The following BACH2 variants were observed in gnomAD, a reference collection of about 807,000 sequenced individuals.
BACH2 encodes the protein BACH transcriptional regulator 2.
BACH2 carries 5 observed loss-of-function variants against 61.8 expected under a neutral mutation model. The ratio of observed to expected loss-of-function variants is 0.08; its 90% CI spans 0.04 to 0.17. The LOEUF (loss-of-function observed/expected upper bound fraction) is 0.17, where lower values mean the gene tolerates loss of function less well. Ranked by LOEUF, BACH2 falls within the 10% of genes least tolerant of loss-of-function variation. The pLI is 1.00. For missense variants in BACH2, 824 were observed against 1,091.1 expected (o/e 0.76, Z 3.45); for synonymous variants, 446 against 440.1 (o/e 1.01, Z -0.17).
chr6:90,274,017 G>T (rs566012456), intron 1 of BACH2, among the ~76,000 whole-genome samples: 7 of 152,188 alleles, frequency 4.6e-5, no homozygotes, highest in African/African-American at 1.7e-4. Flanking sequence ...GGTAGCTCAC[G>T]TTTCTCCGTG....
Position 89,932,620 on chromosome 6 carries a change from G to T in BACH2, c.2314C>A (p.Pro772Thr), listed in dbSNP as rs765807351. 1 of 1,613,886 alleles carries T rather than the reference G, an allele frequency of 6.2e-7. No individual in the cohort carries two copies. Among genetic ancestry groups the T allele is most frequent in the Non-Finnish European group, 8.5e-7 (1 of 1,179,962 alleles). ...GGGGGTCCGGGGGGAGCCGCGCCTGGCTCCAAGCAGCAGGGCACGTTTTCC... is the reference window on the plus strand; with the variant it reads ...GGGGGTCCGGGGGGAGCCGCGCCTGTCTCCAAGCAGCAGGGCACGTTTTCC... ...VGENVPCCLE[P>T]GAAPPGPPWA... Residue 772 changes from proline to threonine, a missense_variant, in exon 9 of 9, where the codon CCA becomes ACA. Transcript: ENST00000257749.
chr6:90,117,053 T>C (rs943602051), intron 4 of BACH2: 15 of 327,884 alleles, frequency 4.6e-5, no homozygotes, highest in African/African-American at 6.5e-5. Context: ...AATTCAGCCA[T>C]TGTTCAGAAG....
intron 6 of BACH2, among the ~76,000 whole-genome samples, chr6:89,967,164 A>G (rs1775090620): frequency 6.6e-6 from 1 of 152,166 alleles, no homozygotes; most frequent in Admixed American, 6.6e-5. Flanking sequence ...GTGCTTCAGA[A>G]TGGTACCTTG....
chr6:89,966,568 G>A (rs911690598), intron 6 of BACH2, among the ~76,000 whole-genome samples: 1 of 152,202 alleles, frequency 6.6e-6, no homozygotes, highest in African/African-American at 2.4e-5. Flanking sequence ...AGAGCATGAA[G>A]TCAGGTTTGT....
intron 3 of BACH2, among the ~76,000 whole-genome samples, chr6:90,208,995 T>A (rs765547627): frequency 2.1e-5 from 3 of 140,634 alleles, no homozygotes; most frequent in African/African-American, 8.2e-5. Context: ...TAAGTGGGAG[T>A]TGAACAATGA....
intron 6 of BACH2, among the ~76,000 whole-genome samples, chr6:90,005,339 G>A (rs1409447275): frequency 6.6e-6 from 1 of 151,852 alleles, no homozygotes; most frequent in Non-Finnish European, 1.5e-5. Flanking sequence ...ATGTGACTAA[G>A]AGGAGGGCAG....
Position 89,929,556 on chromosome 6 carries a change from T to G in BACH2, c.*2852A>C, listed in dbSNP as rs1241341965. ...CTCTATGAAATTGGAAGATGGTTTT[T>G]AGAGCAGTGTTTTTAACCAGTTCCC... On this transcript the variant is annotated 3_prime_UTR_variant, in exon 9 of 9. Coordinates refer to ENST00000257749, the MANE Select transcript of BACH2 (RefSeq NM_021813.4). 2 of 152,340 alleles carry G rather than the reference T, an allele frequency of 1.3e-5. No individual in the cohort carries two copies. The highest frequency in any genetic ancestry group is 4.8e-5 in the African/African-American group (2 of 41,432). 9.4% of individuals were successfully genotyped at this position (152,340 alleles called of 1,614,324 possible).
intron 6 of BACH2, chr6:89,952,987 C>T (rs552626937): frequency 6.6e-6 from 1 of 152,350 alleles, no homozygotes; most frequent in Admixed American, 6.5e-5. Flanking sequence ...AGGAAGGTGA[C>T]GCATGTCTAC....
intron 1 of BACH2, among the ~76,000 whole-genome samples, chr6:90,275,524 G>T (rs1771662072): frequency 6.6e-6 from 1 of 152,052 alleles, no homozygotes; most frequent in African/African-American, 2.4e-5. Context: ...TTTACCTTCA[G>T]GGTTACATGT....
intron 6 of BACH2, among the ~76,000 whole-genome samples, chr6:90,007,883 C>A (rs980283119): frequency 6.6e-6 from 1 of 152,096 alleles, no homozygotes; most frequent in Non-Finnish European, 1.5e-5. Context: ...ATAGGAATGA[C>A]GGAAGTCAGG....
chr6:90,120,100 G>A (rs207272), intron 4 of BACH2, among the ~76,000 whole-genome samples: 1 of 151,992 alleles, frequency 6.6e-6, no homozygotes, highest in Non-Finnish European at 1.5e-5. Flanking sequence ...CCAGCTGCTG[G>A]GGACATCAAT....
intron 1 of BACH2, among the ~76,000 whole-genome samples, chr6:90,296,274 C>T (rs1039492523): frequency 6.6e-6 from 1 of 151,806 alleles, no homozygotes; most frequent in African/African-American, 2.4e-5. Flanking sequence ...GCCGCCGGCT[C>T]GGCTCCCACC....
chr6:90,168,535 T>C (rs1004969188), intron 4 of BACH2, among the ~76,000 whole-genome samples: 1 of 152,186 alleles, frequency 6.6e-6, no homozygotes, highest in Non-Finnish European at 1.5e-5. Flanking sequence ...TGGTTGTATA[T>C]AGGGGAAGGT....
intron 4 of BACH2, among the ~76,000 whole-genome samples, chr6:90,131,021 G>A (rs1447430720): frequency 1.3e-5 from 2 of 152,236 alleles, no homozygotes; most frequent in East Asian, 3.9e-4. Context: ...TCTTTTAGTG[G>A]GAAGAGTCAC....
At chr6:90,096,202 T>A (rs1357575629) in intron 4 of BACH2, among the ~76,000 whole-genome samples, 1 of 152,228 alleles carries the variant, frequency 6.6e-6, no homozygotes, top group African/African-American at 2.4e-5. Flanking sequence ...TTACTTGTTA[T>A]ATATTTCAGT....
At chr6:90,265,697 CCTTT>C (rs1449594782) in intron 2 of BACH2, among the ~76,000 whole-genome samples, 1 of 152,166 alleles carries the variant, frequency 6.6e-6, no homozygotes, top group African/African-American at 2.4e-5. Context: ...AGGTAAGGTA[CCTTT>C]CTATCTATAG....
chr6:89,947,762 G>A (rs544818699), intron 7 of BACH2, among the ~76,000 whole-genome samples: 5 of 151,792 alleles, frequency 3.3e-5, no homozygotes, highest in Non-Finnish European at 5.9e-5. Flanking sequence ...TAGTAGAGAC[G>A]GGGTTTCACC....
intron 8 of BACH2, among the ~76,000 whole-genome samples, chr6:89,934,658 C>CA (rs998523391): frequency 7.4e-5 from 11 of 149,030 alleles, no homozygotes; most frequent in African/African-American, 2.2e-4. Flanking sequence ...GACTTTGTCT[C>CA]AAAAAAAAGA....
intron 6 of BACH2, among the ~76,000 whole-genome samples, chr6:89,972,492 T>C (rs182939328): frequency 1.6e-3 from 238 of 152,290 alleles, no homozygotes; most frequent in Non-Finnish European, 2.1e-3. Flanking sequence ...GGATACCCCA[T>C]TGACGAAAAC....
Sources: allele counts gnomAD v4.1 joint callset (sites outside exome capture counted in the v4.1 genomes callset), GRCh38; gene constraint gnomAD v4.1.1; transcripts MANE v1.5; gene names NCBI Gene and HGNC (gene_info 2026-07-23, HGNC 2026-07-21).